The following SETBP1 variants were observed in gnomAD, a reference collection of about 807,000 sequenced individuals.
The protein encoded by SETBP1 is SET binding protein 1.
In SETBP1, 9 loss-of-function variants were observed where a neutral mutation model predicts 101.0. The observed-to-expected ratio is 0.09, with a 90% CI of 0.05 to 0.16. The LOEUF is 0.16. Ranked by LOEUF, SETBP1 falls within the 10% of genes least tolerant of loss-of-function variation. The pLI is 1.00. For synonymous variants in SETBP1, 818 were observed against 788.5 expected (o/e 1.04, Z -0.63); for missense variants, 1,858 against 2,033.8 (o/e 0.91, Z 1.66).
intron 2 of SETBP1, among the ~76,000 whole-genome samples, chr18:44,705,920 C>A (rs569574231): frequency 6.6e-6 from 1 of 152,142 alleles, no homozygotes; most frequent in Non-Finnish European, 1.5e-5. Context: ...CAAGGATGCA[C>A]GGACTCTTCT....
chr18:44,835,943 T>C (rs890753947), intron 2 of SETBP1, among the ~76,000 whole-genome samples: 4 of 152,268 alleles, frequency 2.6e-5, no homozygotes, highest in Admixed American at 2.6e-4. Context: ...CATTCTGTCC[T>C]GGAGCTTTCT....
chr18:45,051,407 G>A (rs1373042486), intron 5 of SETBP1, among the ~76,000 whole-genome samples: 1 of 152,026 alleles, frequency 6.6e-6, no homozygotes, highest in Non-Finnish European at 1.5e-5. Context: ...TGCCAAGAGA[G>A]CATATGACCC....
At chr18:44,847,541 G>A (rs1396481541) in intron 2 of SETBP1, among the ~76,000 whole-genome samples, 1 of 152,180 alleles carries the variant, frequency 6.6e-6, no homozygotes, top group Non-Finnish European at 1.5e-5. Context: ...TCCAGGGCTA[G>A]AAACACAAAG....
At chr18:44,957,686 A>G (rs1599377297) in intron 4 of SETBP1, among the ~76,000 whole-genome samples, 2 of 152,126 alleles carry the variant, frequency 1.3e-5, no homozygotes, top group South Asian at 4.1e-4. Context: ...CTGGCAGGAT[A>G]TGAATGCCCA....
At chr18:44,881,331 C>T (rs2069525640) in intron 3 of SETBP1, among the ~76,000 whole-genome samples, 1 of 152,220 alleles carries the variant, frequency 6.6e-6, no homozygotes, top group Non-Finnish European at 1.5e-5. Context: ...TGAACAATGA[C>T]CTAAGGCAGG....
intron 2 of SETBP1, among the ~76,000 whole-genome samples, chr18:44,818,005 A>G (rs1361424146): frequency 6.6e-6 from 1 of 152,208 alleles, no homozygotes. Context: ...CGGCTTGAAC[A>G]TTGTTTTAAC....
At chr18:44,864,415 T>G (rs1327009653) in intron 2 of SETBP1, among the ~76,000 whole-genome samples, 2 of 152,100 alleles carry the variant, frequency 1.3e-5, no homozygotes, top group African/African-American at 4.8e-5. Flanking sequence ...CAATTCTCCT[T>G]GTTCTCCAAC....
intron 1 of SETBP1, among the ~76,000 whole-genome samples, chr18:44,691,173 G>A (rs879792951): frequency 4.6e-5 from 7 of 152,056 alleles, no homozygotes; most frequent in Non-Finnish European, 8.8e-5. Flanking sequence ...TATATACCTC[G>A]ATTTGATTGT....
chr18:44,758,382 G>T (rs1029511092), intron 2 of SETBP1, among the ~76,000 whole-genome samples: 3 of 147,190 alleles, frequency 2.0e-5, no homozygotes, highest in Admixed American at 1.4e-4. Context: ...AGAGCTGAAA[G>T]AATTTTTTTT....
intron 1 of SETBP1, among the ~76,000 whole-genome samples, chr18:44,690,574 C>T (rs1388832982): frequency 6.6e-6 from 1 of 152,168 alleles, no homozygotes; most frequent in Non-Finnish European, 1.5e-5. Context: ...TGGTGGAGGA[C>T]CAGAGTTTTC....
rs1202607932 is a variant in SETBP1 at position 44,951,617 on chromosome 18, A to C, written c.2277A>C (p.Pro759=). Residue 759 remains proline, a synonymous_variant, in exon 4 of 6, where the codon CCA becomes CCC. Transcript: ENST00000649279. This position sits in a 1 kb window ranked among gnomAD's most constrained non-coding sequence, Gnocchi z 7.8. ...CTGTTTCTAGCCAGCCGGATGTTCC[A>C]GCCGTGCCTTCCAACTTTCAGTCAC... ...PRPVSSQPDV[P]AVPSNFQSLV... The C allele has an allele frequency of 1.9e-6, 3 of 1,614,198 alleles. No individual in the cohort carries two copies. Among genetic ancestry groups the C allele is most frequent in the Non-Finnish European group, 2.5e-6 (3 of 1,180,042 alleles).
At chr18:45,009,364 C>T (rs1014448542) in intron 4 of SETBP1, among the ~76,000 whole-genome samples, 8 of 150,788 alleles carry the variant, frequency 5.3e-5, no homozygotes, top group African/African-American at 1.5e-4. Context: ...AGCGGAGCTG[C>T]GTTTCCCCAT....
intron 3 of SETBP1, among the ~76,000 whole-genome samples, chr18:44,938,105 A>C (rs2071003862): frequency 6.6e-6 from 1 of 152,126 alleles, no homozygotes; most frequent in African/African-American, 2.4e-5. Context: ...GGGGGCAGAC[A>C]CCATGGTCAG....
chr18:44,711,521 G>C lies in SETBP1; in HGVS notation c.486+9689G>C, dbSNP rs1366072879. ...CCTCTCTCCCTTTCTTTCTTTCTTT[G>C]TTGCTTTTTTTTTTCTTTTTTTAAA... is the stretch of plus-strand genomic sequence containing the variant. On this transcript the variant is annotated intron_variant, in intron 2 of 5. Coordinates refer to ENST00000649279, the MANE Select transcript of SETBP1 (RefSeq NM_015559.3). Among the ~76,000 whole-genome samples the C allele has an allele frequency of 1.0e-4, 11 of 106,798 alleles. No individual in the cohort carries two copies. The Admixed American group carries it at 1.1e-3, about 11-fold the overall frequency. 70.1% of individuals were successfully genotyped at this position (106,798 alleles called of 152,430 possible).
At chr18:45,044,450 G>A (rs1209151473) in intron 5 of SETBP1, among the ~76,000 whole-genome samples, 1 of 152,186 alleles carries the variant, frequency 6.6e-6, no homozygotes, top group Non-Finnish European at 1.5e-5. Flanking sequence ...GGGCCACCAA[G>A]GGACTCGGCA....
At chr18:45,016,731 GCACACACACA>G (rs60965207) in intron 4 of SETBP1, among the ~76,000 whole-genome samples, 1,876 of 122,830 alleles carry the variant, frequency 0.015, 23 homozygotes, top group South Asian at 0.028. Context: ...ATTGGTGCGC[GCACACACACA>G]CACACACACA....
intron 2 of SETBP1, among the ~76,000 whole-genome samples, chr18:44,818,477 C>A (rs1349108535): frequency 6.6e-6 from 1 of 152,122 alleles, no homozygotes; most frequent in Non-Finnish European, 1.5e-5. Flanking sequence ...GGTTTAAAAC[C>A]AGTGACCATG....
chr18:44,717,461 A>G (rs1014065140), intron 2 of SETBP1, among the ~76,000 whole-genome samples: 2 of 152,228 alleles, frequency 1.3e-5, no homozygotes, highest in African/African-American at 4.8e-5. Context: ...GCTCAAGCAC[A>G]TTCTCTCAGA....
At chr18:44,896,966 C>G (rs184511965) in intron 3 of SETBP1, among the ~76,000 whole-genome samples, 3 of 152,270 alleles carry the variant, frequency 2.0e-5, no homozygotes, top group Admixed American at 2.0e-4. Flanking sequence ...AGGGTTCTAT[C>G]AAAACTGCAA....
Sources: allele counts gnomAD v4.1 joint callset (sites outside exome capture counted in the v4.1 genomes callset), GRCh38; gene constraint gnomAD v4.1.1; non-coding constraint Gnocchi (gnomAD v3.1); transcripts MANE v1.5; gene names NCBI Gene and HGNC (gene_info 2026-07-23, HGNC 2026-07-21).